The following SUPT3H variants were observed in gnomAD, a reference collection of about 807,000 sequenced individuals.
SUPT3H encodes transcription initiation protein SPT3 homolog.
In SUPT3H, 44 loss-of-function variants were observed where a neutral mutation model predicts 44.3. The ratio of observed to expected loss-of-function variants is 0.99; its 90% CI spans 0.78 to 1.28. The LOEUF (loss-of-function observed/expected upper bound fraction) is 1.28. SUPT3H is among the 50% of genes most tolerant of loss of function. The pLI is 0.00. For missense variants in SUPT3H, 380 were observed against 387.1 expected (o/e 0.98, Z 0.15); for synonymous variants, 124 against 125.6 (o/e 0.99, Z 0.09).
chr6:45,039,481 C>T (rs1788177922), intron 3 of SUPT3H, among the ~76,000 whole-genome samples: 1 of 151,958 alleles, frequency 6.6e-6, no homozygotes, highest in Non-Finnish European at 1.5e-5. Flanking sequence ...AATCTGTTTC[C>T]ATCACCTAAC....
chr6:45,238,579 G>T (rs1208919500), intron 2 of SUPT3H, among the ~76,000 whole-genome samples: 1 of 152,144 alleles, frequency 6.6e-6, no homozygotes, highest in African/African-American at 2.4e-5. Flanking sequence ...TAGATCCCAA[G>T]AAGACTCTAG....
At chr6:45,098,023 C>A (rs540970263) in intron 3 of SUPT3H, 1 of 153,648 alleles carries the variant, frequency 6.5e-6, no homozygotes, top group South Asian at 2.1e-4. Flanking sequence ...CTAAAGATGG[C>A]GAGCTCTCTG....
chr6:44,905,861 C>T (rs1278319657), intron 10 of SUPT3H, among the ~76,000 whole-genome samples: 1 of 152,142 alleles, frequency 6.6e-6, no homozygotes. Context: ...ATGATGAGTG[C>T]ATGTCCTTTG....
chr6:45,108,751 C>A (rs530778085), intron 2 of SUPT3H, among the ~76,000 whole-genome samples: 2 of 152,054 alleles, frequency 1.3e-5, no homozygotes, highest in African/African-American at 4.8e-5. Flanking sequence ...AGCATTTAAA[C>A]CCTTTAAGAA....
intron 10 of SUPT3H, among the ~76,000 whole-genome samples, chr6:44,853,179 T>C (rs1490937856): frequency 6.6e-6 from 1 of 152,220 alleles, no homozygotes; most frequent in Non-Finnish European, 1.5e-5. Flanking sequence ...ATAACAATGC[T>C]ATTAGACAGG....
intron 5 of SUPT3H, among the ~76,000 whole-genome samples, chr6:45,009,265 T>C (rs1783137019): frequency 6.6e-6 from 1 of 152,194 alleles, no homozygotes; most frequent in African/African-American, 2.4e-5. Flanking sequence ...CATAAAACTT[T>C]TAAAATTGAT....
intron 9 of SUPT3H, among the ~76,000 whole-genome samples, chr6:44,939,974 TTTTG>T (rs1772137101): frequency 6.6e-6 from 1 of 152,086 alleles, no homozygotes; most frequent in Admixed American, 6.6e-5. Context: ...AATTTACCAA[TTTTG>T]TTTATCTTTT....
intron 9 of SUPT3H, among the ~76,000 whole-genome samples, chr6:44,943,152 G>T (rs532618225): frequency 6.6e-6 from 1 of 151,462 alleles, no homozygotes. Flanking sequence ...GTAACAAACG[G>T]ACAAATAAAA....
At chr6:44,908,154 CTTTT>C (rs70993481) in intron 10 of SUPT3H, among the ~76,000 whole-genome samples, 8 of 136,954 alleles carry the variant, frequency 5.8e-5, no homozygotes, top group Admixed American at 7.6e-5. Flanking sequence ...TTTTTCTTTT[CTTTT>C]TTTTTTTTTT....
At chr6:44,961,111 T>C (rs1039321337) in intron 7 of SUPT3H, among the ~76,000 whole-genome samples, 1 of 152,154 alleles carries the variant, frequency 6.6e-6, no homozygotes, top group African/African-American at 2.4e-5. Flanking sequence ...GAAACTTTGC[T>C]GTAAGGATGT....
intron 10 of SUPT3H, among the ~76,000 whole-genome samples, chr6:44,866,249 C>T (rs1345632073): frequency 1.3e-5 from 2 of 151,600 alleles, no homozygotes; most frequent in African/African-American, 4.8e-5. Flanking sequence ...CTTCTCTACT[C>T]CATGACTTGA....
chr6:45,257,474 A>C (rs1173133787), intron 2 of SUPT3H, among the ~76,000 whole-genome samples: 1 of 152,180 alleles, frequency 6.6e-6, no homozygotes, highest in Non-Finnish European at 1.5e-5. Flanking sequence ...AAACTTTTTA[A>C]ATGTCATACA....
rs56389859 is a variant in SUPT3H at position 45,338,796 on chromosome 6, T to C, written c.101+26405A>G. ...ATAATTTATATGCAGCCTATTTCTC[T>C]GGATGAGACAAGGGAGGCATCCAGG... On this transcript the variant is annotated intron_variant, in intron 2 of 10. Coordinates refer to ENST00000371459, the MANE Select transcript of SUPT3H (RefSeq NM_003599.4). Among the ~76,000 whole-genome samples the C allele has an allele frequency of 3.9e-3, 596 of 152,226 alleles. 7 individuals carry two copies. The highest frequency in any genetic ancestry group is 0.014 in the African/African-American group (568 of 41,574).
intron 2 of SUPT3H, among the ~76,000 whole-genome samples, chr6:45,201,088 A>G (rs1357208404): frequency 6.6e-6 from 1 of 151,686 alleles, no homozygotes; most frequent in Non-Finnish European, 1.5e-5. Context: ...AACTTACATA[A>G]TAATTAAGTA....
At chr6:45,007,693 C>G (rs1191318689) in intron 5 of SUPT3H, among the ~76,000 whole-genome samples, 1 of 150,358 alleles carries the variant, frequency 6.7e-6, no homozygotes, top group Non-Finnish European at 1.5e-5. Context: ...TTAGCTTCCT[C>G]TATGTTGGTG....
chr6:45,124,636 CA>C (rs66849102), intron 2 of SUPT3H, among the ~76,000 whole-genome samples: 97,847 of 139,186 alleles, frequency 0.7, 34,256 homozygotes, highest in Non-Finnish European at 0.79. Flanking sequence ...GACTCCATCT[CA>C]AAAAAAAAAA....
chr6:45,052,436 T>G (rs1790445763), intron 3 of SUPT3H, among the ~76,000 whole-genome samples: 1 of 152,218 alleles, frequency 6.6e-6, no homozygotes, highest in Non-Finnish European at 1.5e-5. Flanking sequence ...TTTATAGGAA[T>G]GTGCTAAATA....
intron 2 of SUPT3H, among the ~76,000 whole-genome samples, chr6:45,256,367 T>C (rs901734001): frequency 1.3e-5 from 2 of 152,094 alleles, no homozygotes; most frequent in Non-Finnish European, 2.9e-5. Flanking sequence ...CTATTCCCCA[T>C]GAATGATGAT....
chr6:45,247,063 T>C (rs766103217), intron 2 of SUPT3H, among the ~76,000 whole-genome samples: 1 of 151,870 alleles, frequency 6.6e-6, no homozygotes, highest in Non-Finnish European at 1.5e-5. Flanking sequence ...AAGCACAAAG[T>C]ACAAGAAGAG....
Sources: allele counts gnomAD v4.1 joint callset (sites outside exome capture counted in the v4.1 genomes callset), GRCh38; gene constraint gnomAD v4.1.1; transcripts MANE v1.5; gene names NCBI Gene and HGNC (gene_info 2026-07-23, HGNC 2026-07-21).